The following COX7B2 variants were observed in gnomAD, a reference collection of about 807,000 sequenced individuals.
COX7B2 encodes the protein cytochrome c oxidase subunit 7B2, mitochondrial.
For synonymous variants in COX7B2, 37 were observed against 32.1 expected (o/e 1.15, Z -0.51); for missense variants, 109 against 95.9 (o/e 1.14, Z -0.57).
chr4:46,785,682 G>T (rs894000652), intron 2 of COX7B2, among the ~76,000 whole-genome samples: 3 of 152,146 alleles, frequency 2.0e-5, no homozygotes, highest in African/African-American at 7.2e-5. Flanking sequence ...GCAATGACAA[G>T]CATGTTAAGA....
At chr4:46,887,349 G>A (rs147810783) in intron 1 of COX7B2, among the ~76,000 whole-genome samples, 61 of 152,292 alleles carry the variant, frequency 4.0e-4, no homozygotes, top group African/African-American at 1.4e-3. Flanking sequence ...TCATCTGAAT[G>A]CATCCTACTA....
At chr4:46,841,757 T>C (rs914094665) in intron 2 of COX7B2, among the ~76,000 whole-genome samples, 1 of 151,992 alleles carries the variant, frequency 6.6e-6, no homozygotes, top group African/African-American at 2.4e-5. Flanking sequence ...TCACGCTGCA[T>C]TTCTGTGATG....
chr4:46,857,737 T>C (rs1239108578), intron 1 of COX7B2, among the ~76,000 whole-genome samples: 1 of 152,090 alleles, frequency 6.6e-6, no homozygotes, highest in Non-Finnish European at 1.5e-5. Context: ...TAAAAACAGA[T>C]CAAAACACAG....
At chr4:46,782,927 G>A (rs557245565) in intron 2 of COX7B2, among the ~76,000 whole-genome samples, 7 of 151,958 alleles carry the variant, frequency 4.6e-5, no homozygotes, top group South Asian at 4.1e-4. Flanking sequence ...CACCGTGAGG[G>A]TCCGCGGCTT....
intron 2 of COX7B2, among the ~76,000 whole-genome samples, chr4:46,773,864 T>C (rs1388564734): frequency 6.6e-6 from 1 of 152,188 alleles, no homozygotes; most frequent in Non-Finnish European, 1.5e-5. Flanking sequence ...TCTAGAGGTA[T>C]GTTTTAGCCA....
intron 2 of COX7B2, among the ~76,000 whole-genome samples, chr4:46,812,962 T>G (rs1719363006): frequency 6.6e-6 from 1 of 152,074 alleles, no homozygotes; most frequent in African/African-American, 2.4e-5. Context: ...TGCTCCAGTA[T>G]GCCAGTGGCT....
At chr4:46,801,238 T>C (rs1718639261) in intron 2 of COX7B2, among the ~76,000 whole-genome samples, 1 of 152,172 alleles carries the variant, frequency 6.6e-6, no homozygotes, top group South Asian at 2.1e-4. Context: ...ACTGGGTATA[T>C]ATTAAAAGGA....
chr4:46,778,713 A>G (rs1193548046), intron 2 of COX7B2, among the ~76,000 whole-genome samples: 1 of 152,170 alleles, frequency 6.6e-6, no homozygotes, highest in Admixed American at 6.5e-5. Context: ...CCACTGAATA[A>G]TTTGATATAT....
chr4:46,895,556 C>T (rs899619533), intron 1 of COX7B2, among the ~76,000 whole-genome samples: 7 of 152,046 alleles, frequency 4.6e-5, no homozygotes, highest in Admixed American at 3.3e-4. Flanking sequence ...GCTTAGTACC[C>T]GAGTGACAAA....
chr4:46,764,679 CAAAA>C (rs11357133), intron 2 of COX7B2, among the ~76,000 whole-genome samples: 10 of 129,068 alleles, frequency 7.7e-5, no homozygotes, highest in Non-Finnish European at 3.3e-5. Context: ...GACTCCGCCT[CAAAA>C]AAAAAAAAAA....
chr4:46,769,537 A>T (rs1716749650), intron 2 of COX7B2, among the ~76,000 whole-genome samples: 1 of 152,090 alleles, frequency 6.6e-6, no homozygotes, highest in Non-Finnish European at 1.5e-5. Context: ...CAATATGGTG[A>T]AACCCCGTCT....
chr4:46,887,490 T>C (rs1176771038), intron 1 of COX7B2, among the ~76,000 whole-genome samples: 3 of 152,006 alleles, frequency 2.0e-5, no homozygotes, highest in Admixed American at 6.6e-5. Context: ...GGCAGGTTGA[T>C]CACGAGGTCA....
At chr4:46,882,595 C>A (rs1198713876) in intron 1 of COX7B2, among the ~76,000 whole-genome samples, 1 of 152,036 alleles carries the variant, frequency 6.6e-6, no homozygotes, top group African/African-American at 2.4e-5. Context: ...TCTGGTTTGT[C>A]CAAAGTTAGG....
At chr4:46,771,529 G>A (rs185717917) in intron 2 of COX7B2, among the ~76,000 whole-genome samples, 1 of 152,050 alleles carries the variant, frequency 6.6e-6, no homozygotes, top group Admixed American at 6.6e-5. Flanking sequence ...CTTGGGACCA[G>A]AGGTGTTACA....
At chr4:46,854,083 GACT>G (rs1326353920) in intron 1 of COX7B2, among the ~76,000 whole-genome samples, 3 of 152,036 alleles carry the variant, frequency 2.0e-5, no homozygotes, top group Non-Finnish European at 4.4e-5. Flanking sequence ...TTTAAAATTA[GACT>G]ACTTGTTGAT....
intron 2 of COX7B2, among the ~76,000 whole-genome samples, chr4:46,783,635 C>T (rs190335159): frequency 6.6e-6 from 1 of 152,172 alleles, no homozygotes; most frequent in Non-Finnish European, 1.5e-5. Context: ...TTCAAGCCAG[C>T]TGTTCCTAAG....
intron 2 of COX7B2, among the ~76,000 whole-genome samples, chr4:46,743,885 A>C (rs1041811042): frequency 6.6e-6 from 1 of 152,182 alleles, no homozygotes; most frequent in East Asian, 1.9e-4. Context: ...CAAAGGCTTA[A>C]TGGATCCAGG....
At chr4:46,838,883 CTT>C (rs879855732) in intron 2 of COX7B2, among the ~76,000 whole-genome samples, 1 of 146,372 alleles carries the variant, frequency 6.8e-6, no homozygotes, top group African/African-American at 2.5e-5. Context: ...TTTCCTGGAA[CTT>C]TTTTTTTTTT....
intron 2 of COX7B2, 99 bp downstream of exon 2, chr4:46,844,861 G>A (rs1328852440): frequency 6.6e-6 from 1 of 151,976 alleles, no homozygotes; most frequent in Non-Finnish European, 1.5e-5. Flanking sequence ...AATTCAGTGT[G>A]AATTTTATTT....
Sources: gnomAD v4.1 joint callset for allele counts (sites outside exome capture counted in the v4.1 genomes callset) on GRCh38, gnomAD v4.1.1 for gene constraint, MANE v1.5 for transcripts, NCBI Gene and HGNC (gene_info 2026-07-23, HGNC 2026-07-21) for gene names.